Variants in RAPGEF5 observed in about 807,000 individuals in gnomAD.
RAPGEF5 encodes the protein M-Ras-regulated GEF.
Under a neutral mutation model 125.2 loss-of-function variants are expected in RAPGEF5, and 65 were observed. The ratio of observed to expected loss-of-function variants is 0.52; its 90% CI spans 0.43 to 0.64. The LOEUF (loss-of-function observed/expected upper bound fraction) is 0.64, where lower values mean the gene tolerates loss of function less well. Among genes scored for constraint, RAPGEF5 ranks in the 30% least tolerant of loss-of-function variants. The pLI is 0.00. For synonymous variants in RAPGEF5, 391 were observed against 385.9 expected (o/e 1.01, Z -0.16); for missense variants, 958 against 1,048.1 (o/e 0.91, Z 1.19).
intron 3 of RAPGEF5, among the ~76,000 whole-genome samples, chr7:22,311,901 T>C (rs147227371): frequency 6.6e-6 from 1 of 152,372 alleles, no homozygotes; most frequent in East Asian, 1.9e-4. Context: ...GAAAGCACTT[T>C]TATCTCATGG....
At chr7:22,315,925 G>C (rs1783579740) in intron 2 of RAPGEF5, among the ~76,000 whole-genome samples, 1 of 152,056 alleles carries the variant, frequency 6.6e-6, no homozygotes, top group African/African-American at 2.4e-5. Flanking sequence ...TCCCTATCTA[G>C]TGAACATCTC....
intron 23 of RAPGEF5, among the ~76,000 whole-genome samples, chr7:22,131,969 A>G (rs1782927413): frequency 6.6e-6 from 1 of 152,218 alleles, no homozygotes. Flanking sequence ...ATCCTCGCAG[A>G]CAAGTATCAC....
chr7:22,283,071 G>A (rs1047171269), intron 6 of RAPGEF5, among the ~76,000 whole-genome samples: 14 of 125,230 alleles, frequency 1.1e-4, no homozygotes, highest in East Asian at 2.4e-4. Flanking sequence ...ACACACACAC[G>A]CATGAAAAAT....
chr7:22,243,298 C>A (rs189631800), intron 7 of RAPGEF5, among the ~76,000 whole-genome samples: 154 of 152,190 alleles, frequency 1.0e-3, no homozygotes, highest in African/African-American at 3.5e-3. Context: ...ACTCAGCCAC[C>A]CAGGCTGGAG....
chr7:22,220,175 CA>C lies in RAPGEF5; in HGVS notation c.871-185del. 2.9e-6 allele frequency: 2 copies of C among 698,662 alleles called. 1 individual carries two copies. The highest frequency in any genetic ancestry group is 4.6e-6 in the Non-Finnish European group (2 of 430,600). The allele number at this position is 698,662 out of a possible 1,614,324, so 43.3% of individuals were successfully genotyped here. ...TTATTATAACCTAAGAGCACCATGC[CA>C]AAAGACTTAAAGTTGAGTCTGCGTA... On this transcript the variant is annotated intron_variant, in intron 8 of 25. Coordinates refer to ENST00000665637, the MANE Select transcript of RAPGEF5 (RefSeq NM_012294.5).
At chr7:22,186,282 AC>A (rs1164065233) in intron 11 of RAPGEF5, among the ~76,000 whole-genome samples, 2 of 152,226 alleles carry the variant, frequency 1.3e-5, no homozygotes, top group African/African-American at 4.8e-5. Flanking sequence ...AACTGGGGAT[AC>A]CTATGCATAC....
At chr7:22,299,789 C>A (rs1007631510) in intron 5 of RAPGEF5, among the ~76,000 whole-genome samples, 1 of 152,068 alleles carries the variant, frequency 6.6e-6, no homozygotes, top group Non-Finnish European at 1.5e-5. Flanking sequence ...CCACCCTCCC[C>A]CACCTTAAAG....
At chr7:22,146,498 A>G (rs920541067) in intron 19 of RAPGEF5, among the ~76,000 whole-genome samples, 6 of 152,210 alleles carry the variant, frequency 3.9e-5, no homozygotes, top group African/African-American at 1.4e-4. Context: ...TCTTAAGTAA[A>G]AAGATGGATA....
At chr7:22,220,394 G>C (rs1479486184) in intron 8 of RAPGEF5, among the ~76,000 whole-genome samples, 1 of 152,106 alleles carries the variant, frequency 6.6e-6, no homozygotes, top group Non-Finnish European at 1.5e-5. Flanking sequence ...CTGATACAGA[G>C]CCCTAAAAAT....
In RAPGEF5 at chr7:22,356,973, C is replaced by T. The variant is rs1187417894; in HGVS notation, c.88G>A (p.Gly30Ser). The change falls in exon 1 of 26, where the codon GGC (glycine) becomes AGC (serine). Residue 30 changes from glycine to serine, a missense_variant. Transcript: ENST00000665637. ...AAAAAVVAAD[G>S]PLRRSPSARE... ...GCGCTGGGGCTGCGGCGCAGGGGGC[C>T]GTCTGCCGCCACCACCGCCGCCGCG... 8 of 1,030,200 alleles carry T rather than the reference C, an allele frequency of 7.8e-6. No individual in the cohort carries two copies. The highest frequency in any genetic ancestry group is 8.1e-6 in the Non-Finnish European group (7 of 861,316). The allele number at this position is 1,030,200 out of a possible 1,614,324, so 63.8% of individuals were successfully genotyped here.
chr7:22,287,041 A>G (rs537457451), intron 6 of RAPGEF5, among the ~76,000 whole-genome samples: 5 of 152,358 alleles, frequency 3.3e-5, no homozygotes, highest in Non-Finnish European at 5.9e-5. Context: ...TAGAATGCGG[A>G]AAGTCACACT....
chr7:22,256,360 G>C (rs1292212162), intron 7 of RAPGEF5, among the ~76,000 whole-genome samples: 1 of 152,164 alleles, frequency 6.6e-6, no homozygotes, highest in Non-Finnish European at 1.5e-5. Flanking sequence ...GGTTGTGACT[G>C]AGGTGAATGA....
chr7:22,229,993 C>A (rs1786019409), intron 8 of RAPGEF5, among the ~76,000 whole-genome samples: 1 of 152,122 alleles, frequency 6.6e-6, no homozygotes, highest in African/African-American at 2.4e-5. Context: ...GTCTGTGTAT[C>A]CTTTTGAGAA....
At chr7:22,154,934 T>C (rs1253277839) in intron 16 of RAPGEF5, among the ~76,000 whole-genome samples, 4 of 152,162 alleles carry the variant, frequency 2.6e-5, no homozygotes, top group African/African-American at 9.7e-5. Context: ...CATAATACAG[T>C]GGAAACTGTG....
At chr7:22,298,703 T>C (rs1783124857) in intron 5 of RAPGEF5, 1 of 152,248 alleles carries the variant, frequency 6.6e-6, no homozygotes, top group African/African-American at 2.4e-5. Flanking sequence ...AGTTATTTTT[T>C]AAATGTTTAG....
At chr7:22,207,525 CTAT>C (rs1785424261) in intron 9 of RAPGEF5, among the ~76,000 whole-genome samples, 1 of 152,118 alleles carries the variant, frequency 6.6e-6, no homozygotes, top group African/African-American at 2.4e-5. Flanking sequence ...TTGTAACTTT[CTAT>C]TATTTCTAAA....
At chr7:22,310,141 C>T (rs1008295266) in intron 3 of RAPGEF5, 51 bp from the exon 4 acceptor site, 3 of 1,425,050 alleles carry the variant, frequency 2.1e-6, no homozygotes, top group Middle Eastern at 3.6e-4. Flanking sequence ...CATCCGTTTG[C>T]CAAAAAAACA....
intron 1 of RAPGEF5, among the ~76,000 whole-genome samples, chr7:22,332,043 A>G (rs1783932856): frequency 1.3e-5 from 2 of 152,352 alleles, no homozygotes; most frequent in South Asian, 4.1e-4. Flanking sequence ...TGTACTTAAC[A>G]ATACTTAACT....
At chr7:22,283,046 T>TAC (rs71550469) in intron 6 of RAPGEF5, among the ~76,000 whole-genome samples, 38,605 of 148,244 alleles carry the variant, frequency 0.26, 5,208 homozygotes, top group East Asian at 0.51. Flanking sequence ...TGTAAAAAAA[T>TAC]ACACACACAC....
Sources: allele counts gnomAD v4.1 joint callset (sites outside exome capture counted in the v4.1 genomes callset), GRCh38; gene constraint gnomAD v4.1.1; transcripts MANE v1.5; gene names NCBI Gene and HGNC (gene_info 2026-07-23, HGNC 2026-07-21).